ZNF106: variants seen among roughly 807,000 people sequenced by gnomAD.
ZNF106 encodes the protein zinc finger protein 106, also known as SH3-domain binding protein 3.
In ZNF106, 67 loss-of-function variants were observed where a neutral mutation model predicts 195.1. The ratio of observed to expected loss-of-function variants is 0.34; its 90% CI spans 0.28 to 0.42. The LOEUF (loss-of-function observed/expected upper bound fraction) is 0.42. Ranked by LOEUF, ZNF106 falls within the 10% of genes least tolerant of loss-of-function variation. The probability of loss-of-function intolerance (pLI) is 1.00; values close to 1 mark genes in which losing one functional copy is unlikely to be tolerated. For missense variants in ZNF106, 2,118 were observed against 2,304.5 expected (o/e 0.92, Z 1.66); for synonymous variants, 784 against 818.6 (o/e 0.96, Z 0.72).
At chr15:42,490,183 T>C (rs1595506580) in intron 1 of ZNF106, 2 of 151,616 alleles carry the variant, frequency 1.3e-5, no homozygotes, top group South Asian at 2.1e-4. Context: ...TGAGCTAAGA[T>C]CGCGCCACTG....
chr15:42,439,567 A>G lies in ZNF106; in HGVS notation c.4010T>C (p.Leu1337Ser). The change falls in exon 11 of 22, where the codon TTG (leucine) becomes TCG (serine). Residue 1337 changes from leucine to serine, a missense_variant. By Grantham distance (145) the Leu-to-Ser change is moderately radical. Coordinates refer to ENST00000564754, the MANE Select transcript of ZNF106 (RefSeq NM_001366845.3). ...CAAAGGGGTTTCTGAAGCAAAAGAC[A>G]ATCTTAGAAAAGAACTGGTACAGGC... Reference protein sequence around the residue: ...SEACTSSFLRLSFASETPLEK... With the variant: ...SEACTSSFLRSSFASETPLEK... 2.5e-6 allele frequency: 4 copies of G among 1,614,186 alleles called. No individual in the cohort carries two copies. Among genetic ancestry groups the G allele is most frequent in the Non-Finnish European group, 3.4e-6 (4 of 1,180,030 alleles).
intron 4 of ZNF106, among the ~76,000 whole-genome samples, chr15:42,456,041 A>G (rs896474709): frequency 6.6e-6 from 1 of 152,250 alleles, no homozygotes; most frequent in African/African-American, 2.4e-5. Flanking sequence ...TAGAAAATTT[A>G]TATTGCTTAA....
rs2055677833 is a variant in ZNF106 at position 42,444,231 on chromosome 15, T to C, written c.3392A>G (p.His1131Arg). 2 of 1,611,080 alleles carry C rather than the reference T, an allele frequency of 1.2e-6. No individual in the cohort carries two copies. The highest frequency in any genetic ancestry group is 1.7e-6 in the Non-Finnish European group (2 of 1,178,522). Residue 1131 changes from histidine (H) to arginine (R), a missense_variant, in exon 9 of 22, where the codon CAT becomes CGT. His to Arg is a conservative substitution (Grantham distance 29). Transcript: ENST00000564754. ...TAATCCCTGTAGAATCTGTATTCTA[T>C]GGGTCCTCAGTGCACTCATCTCCAT... ...ITMEMSALRT[H>R]RIQILQGLQE...
chr15:42,478,869 T>C (rs1435859904), intron 1 of ZNF106, among the ~76,000 whole-genome samples: 1 of 152,178 alleles, frequency 6.6e-6, no homozygotes. Context: ...TCACAGAGGA[T>C]ACCACATTAC....
Position 42,439,691 on chromosome 15 carries a change from T to G in ZNF106, c.3886A>C (p.Thr1296Pro). 6.2e-7 allele frequency: 1 copy of G among 1,614,078 alleles called. No individual in the cohort carries two copies. The highest frequency in any genetic ancestry group is 8.5e-7 in the Non-Finnish European group (1 of 1,179,996). The change falls in exon 11 of 22, where the codon ACC becomes CCC. Residue 1296 changes from threonine (T) to proline (P), a missense_variant. Coordinates refer to ENST00000564754, the MANE Select transcript of ZNF106 (RefSeq NM_001366845.3). ...ELKFSVEQRN[T>P]RNRENSPSSQ... ...GAGGGAGAGTTTTCTCTGTTTCTGG[T>G]ATTTCTTTGCTCCACAGAAAACTTC...
intron 1 of ZNF106, among the ~76,000 whole-genome samples, chr15:42,487,487 T>C (rs1391749062): frequency 1.3e-5 from 1 of 79,584 alleles, no homozygotes; most frequent in Non-Finnish European, 2.0e-5. Flanking sequence ...CAAGACCCTG[T>C]CTCAAAAAAA....
chr15:42,444,191 C>T lies in ZNF106; in HGVS notation c.3421+11G>A, dbSNP rs769168885. 1 of 1,599,484 alleles carries T rather than the reference C, an allele frequency of 6.3e-7. No homozygotes were observed. The highest frequency in any genetic ancestry group is 8.5e-7 in the Non-Finnish European group (1 of 1,170,642). ...ATAGAGGGCCCAATCCATCAGATGCCCTCTGAATACCTTGTAATCCCTGTA... is the reference window on the plus strand; with the variant it reads ...ATAGAGGGCCCAATCCATCAGATGCTCTCTGAATACCTTGTAATCCCTGTA... On this transcript the variant is annotated intron_variant, in intron 9 of 21. Transcript: ENST00000564754.
intron 3 of ZNF106, among the ~76,000 whole-genome samples, chr15:42,462,067 C>A (rs1213885699): frequency 2.0e-5 from 3 of 152,136 alleles, no homozygotes; most frequent in Non-Finnish European, 2.9e-5. Flanking sequence ...TAAAGGCTAT[C>A]CTCTAAAGAA....
intron 2 of ZNF106, among the ~76,000 whole-genome samples, chr15:42,471,592 C>G (rs892830055): frequency 3.3e-5 from 5 of 152,026 alleles, no homozygotes; most frequent in Admixed American, 6.6e-5. Flanking sequence ...TCAGCCATAC[C>G]CAGCAGCACA....
At chr15:42,456,584 A>T (rs1156664372) in intron 4 of ZNF106, among the ~76,000 whole-genome samples, 1 of 151,890 alleles carries the variant, frequency 6.6e-6, no homozygotes, top group Non-Finnish European at 1.5e-5. Context: ...CCCAGAAGGC[A>T]GAGGTTACAG....
chr15:42,490,046 AT>A (rs1288166520), intron 1 of ZNF106, among the ~76,000 whole-genome samples: 8 of 151,840 alleles, frequency 5.3e-5, no homozygotes, highest in South Asian at 4.2e-4. Flanking sequence ...CCTAAAAAAA[AT>A]AATAATAATA....
Position 42,450,647 on chromosome 15 carries a change from C to T in ZNF106, c.1625G>A (p.Ser542Asn), listed in dbSNP as rs751117796. The change falls in exon 5 of 22, where the codon AGT becomes AAT. Residue 542 changes from serine (S) to asparagine (N), a missense_variant. Coordinates refer to ENST00000564754, the MANE Select transcript of ZNF106 (RefSeq NM_001366845.3). Reference sequence around the variant, plus strand: ...AGATTGCTTTTGAGAGCCAAATGTACTTTTATTCCCTTTTAAAACATGAGG... The same window carrying T: ...AGATTGCTTTTGAGAGCCAAATGTATTTTTATTCCCTTTTAAAACATGAGG... ...SCPHVLKGNKSTFGSQKQSGD... is the reference protein window; with the variant it reads ...SCPHVLKGNKNTFGSQKQSGD... 3 of 1,614,132 alleles carry T rather than the reference C, an allele frequency of 1.9e-6. No homozygotes were observed. The South Asian group carries it at 3.3e-5, about 18-fold the overall frequency.
chr15:42,415,831 G>A lies in ZNF106; in HGVS notation c.*1473C>T, dbSNP rs777950095. On this transcript the variant is annotated 3_prime_UTR_variant, in exon 22 of 22. Transcript: ENST00000564754. The stretch of plus-strand genomic sequence containing the variant: ...CAGCTTACTGCAATCTCTGCCTCCC[G>A]GGTTCAAGCGATTCTCCTGCCTCAG... 4.5e-4 allele frequency: 70 copies of A among 154,676 alleles called. No individual in the cohort carries two copies. The highest frequency in any genetic ancestry group is 7.5e-4 in the South Asian group (4 of 5,322). The allele number at this position is 154,676 out of a possible 1,614,324, so 9.6% of individuals were successfully genotyped here. A position where few individuals can be genotyped will look rare whatever the true frequency, so the allele number is the denominator to read the frequency against.
chr15:42,438,538 T>C, intron 12 of ZNF106, 74 bp downstream of exon 12: 1 of 1,329,168 alleles, frequency 7.5e-7, no homozygotes, highest in Non-Finnish European at 1.1e-6. Context: ...TTTAAGTAGG[T>C]TTAAATCCTG....
chr15:42,442,844 C>T (rs1262852646), intron 9 of ZNF106, among the ~76,000 whole-genome samples: 1 of 151,450 alleles, frequency 6.6e-6, no homozygotes, highest in Non-Finnish European at 1.5e-5. Context: ...AGTGCAGTGG[C>T]GCAATCTCGG....
In ZNF106 at chr15:42,415,809, C is replaced by T. The variant is rs1485901392; in HGVS notation, c.*1495G>A. The T allele has an allele frequency of 4.4e-5, 7 of 157,568 alleles. No homozygotes were observed. Among genetic ancestry groups the T allele is most frequent in the Admixed American group, 1.3e-4 (2 of 15,334 alleles). 9.8% of individuals were successfully genotyped at this position (157,568 alleles called of 1,614,324 possible). ...CTGGAGTGCAGTGGCACGATCTCAG[C>T]TTACTGCAATCTCTGCCTCCCGGGT... On this transcript the variant is annotated 3_prime_UTR_variant, in exon 22 of 22. Transcript: ENST00000564754.
chr15:42,433,392 A>T (rs555654071), intron 14 of ZNF106, among the ~76,000 whole-genome samples: 1 of 151,936 alleles, frequency 6.6e-6, no homozygotes, highest in East Asian at 1.9e-4. Context: ...GGCGTGAGCC[A>T]CCGCGCCCAG....
rs766686737 is a variant in ZNF106 at position 42,451,468 on chromosome 15, T to C, written c.804A>G (p.Gln268=). Residue 268 remains glutamine, a synonymous_variant, in exon 5 of 22, where the codon CAA becomes CAG. Transcript: ENST00000564754. ...WNYSGPGDKF[Q]PGRNRNSNCQ... ...AGTTAGAATTTCTGTTTCTGCCTGG[T>C]TGAAATTTGTCTCCAGGGCCACTGT... 6.2e-6 allele frequency: 10 copies of C among 1,614,100 alleles called. No homozygotes were observed. Among genetic ancestry groups the C allele is most frequent in the East Asian group, 4.5e-5 (2 of 44,896 alleles).
chr15:42,421,879 T>C (rs1229917215), intron 19 of ZNF106, 38 bp downstream of exon 19: 2 of 1,493,516 alleles, frequency 1.3e-6, no homozygotes, highest in Admixed American at 3.9e-5. Flanking sequence ...AGCAAACACA[T>C]TCAAAAGCAA....
Sources: allele counts gnomAD v4.1 joint callset (sites outside exome capture counted in the v4.1 genomes callset), GRCh38; gene constraint gnomAD v4.1.1; transcripts MANE v1.5; gene names NCBI Gene and HGNC (gene_info 2026-07-23, HGNC 2026-07-21).